SHISA9: variants seen among roughly 807,000 people sequenced by gnomAD.
The protein encoded by SHISA9 is protein shisa-9.
Under a neutral mutation model 38.0 loss-of-function variants are expected in SHISA9, and 13 were observed. The observed-to-expected ratio is 0.34, with a 90% CI of 0.22 to 0.54. The LOEUF is 0.54. Ranked by LOEUF, SHISA9 falls within the 20% of genes least tolerant of loss-of-function variation. SHISA9 has a pLI of 0.91. For missense variants in SHISA9, 538 were observed against 575.8 expected, an observed-to-expected ratio of 0.93 and a Z score of 0.67; for synonymous variants, 275 against 242.0, an observed-to-expected ratio of 1.14 and a Z score of -1.27.
chr16:13,392,564 C>G, the SHISA9 span, among the ~76,000 whole-genome samples: 2 of 152,138 alleles, frequency 1.3e-5, no homozygotes, highest in Non-Finnish European at 2.9e-5. Flanking sequence ...CATTACAGAT[C>G]ACTTAGAGGT....
At chr16:13,111,696 A>AC (rs1425566964) in intron 2 of SHISA9, among the ~76,000 whole-genome samples, 1 of 152,186 alleles carries the variant, frequency 6.6e-6, no homozygotes, top group African/African-American at 2.4e-5. Flanking sequence ...TTCAAATCTT[A>AC]CCCTATTCCA....
chr16:12,930,781 G>T (rs545573031), intron 2 of SHISA9, among the ~76,000 whole-genome samples: 1 of 152,040 alleles, frequency 6.6e-6, no homozygotes, highest in Non-Finnish European at 1.5e-5. Context: ...TAACAGTTAT[G>T]TTTCACATTT....
the SHISA9 span, among the ~76,000 whole-genome samples, chr16:13,560,948 C>T: frequency 6.6e-6 from 1 of 152,120 alleles, no homozygotes; most frequent in Non-Finnish European, 1.5e-5. Context: ...ACTGCAACCT[C>T]CACCTCCAGG....
chr16:13,355,832 C>T, the SHISA9 span, among the ~76,000 whole-genome samples: 1 of 152,190 alleles, frequency 6.6e-6, no homozygotes, highest in African/African-American at 2.4e-5. Context: ...TGTCAGTCTT[C>T]AGCCGCTAAG....
intron 2 of SHISA9, among the ~76,000 whole-genome samples, chr16:13,046,908 T>G (rs2073194621): frequency 6.6e-6 from 1 of 152,166 alleles, no homozygotes; most frequent in African/African-American, 2.4e-5. Flanking sequence ...TATGTCCTCC[T>G]GGAACCTGCA....
chr16:13,157,933 C>A (rs1308886964), intron 2 of SHISA9, among the ~76,000 whole-genome samples: 1 of 152,220 alleles, frequency 6.6e-6, no homozygotes, highest in African/African-American at 2.4e-5. Flanking sequence ...CACTCTCCTG[C>A]TTTGACTCAT....
chr16:13,480,938 C>G, the SHISA9 span, among the ~76,000 whole-genome samples: 2 of 152,176 alleles, frequency 1.3e-5, no homozygotes, highest in African/African-American at 4.8e-5. Flanking sequence ...TCAGTTTTGT[C>G]AAGCTAATTT....
At chr16:13,274,591 G>C in the SHISA9 span, among the ~76,000 whole-genome samples, 1 of 152,122 alleles carries the variant, frequency 6.6e-6, no homozygotes, top group Non-Finnish European at 1.5e-5. Flanking sequence ...CCATGGTAGA[G>C]ATAATGTGAG....
chr16:13,303,843 C>T, the SHISA9 span, among the ~76,000 whole-genome samples: 1 of 152,162 alleles, frequency 6.6e-6, no homozygotes, highest in Non-Finnish European at 1.5e-5. Context: ...GAACCCCAAA[C>T]ACACCCTGTG....
chr16:12,901,856 C>T lies in SHISA9; in HGVS notation c.-209C>T, dbSNP rs978135684. On this transcript the variant is annotated 5_prime_UTR_variant, in exon 1 of 5. Transcript: ENST00000558583. ...GGCCGGCCCCTCGGCGCGCGGCGCG[C>T]TGGAGGCGAACGCGGGCTGAGGCGA... is the stretch of plus-strand genomic sequence containing the variant. 13 of 163,210 alleles carry T rather than the reference C, an allele frequency of 8.0e-5. No homozygotes were observed. The highest frequency in any genetic ancestry group is 1.7e-4 in the Non-Finnish European group (13 of 78,218). 10.1% of individuals were successfully genotyped at this position (163,210 alleles called of 1,614,324 possible). A position where few individuals can be genotyped will look rare whatever the true frequency, so the allele number is the denominator to read the frequency against.
intron 2 of SHISA9, among the ~76,000 whole-genome samples, chr16:13,080,676 G>C (rs1013114696): frequency 2.5e-4 from 38 of 152,212 alleles, no homozygotes; most frequent in African/African-American, 8.7e-4. Flanking sequence ...AGAATTCCTA[G>C]TGAATAATGC....
the SHISA9 span, among the ~76,000 whole-genome samples, chr16:13,556,399 G>C: frequency 1.3e-5 from 2 of 152,042 alleles, no homozygotes; most frequent in Non-Finnish European, 2.9e-5. Context: ...TCACTTAATT[G>C]ATTAATAAAC....
the SHISA9 span, among the ~76,000 whole-genome samples, chr16:13,248,630 C>A: frequency 6.6e-6 from 1 of 152,110 alleles, no homozygotes; most frequent in Non-Finnish European, 1.5e-5. Context: ...ATATGTAAAC[C>A]ACTTACTCAT....
intron 2 of SHISA9, among the ~76,000 whole-genome samples, chr16:12,995,560 CT>C: frequency 6.6e-6 from 1 of 152,254 alleles, no homozygotes; most frequent in Non-Finnish European, 1.5e-5. Flanking sequence ...ATGAGGGTGT[CT>C]TTTGAATGTT....
the SHISA9 span, among the ~76,000 whole-genome samples, chr16:13,359,113 C>G: frequency 3.3e-5 from 5 of 152,076 alleles, no homozygotes; most frequent in Non-Finnish European, 7.4e-5. Flanking sequence ...TTTAGATTCT[C>G]CAGAAGAATG....
the SHISA9 span, among the ~76,000 whole-genome samples, chr16:13,271,057 T>C: frequency 6.6e-6 from 1 of 152,184 alleles, no homozygotes; most frequent in African/African-American, 2.4e-5. Flanking sequence ...CCTCAGACCC[T>C]GAGAAGGGAT....
intron 2 of SHISA9, among the ~76,000 whole-genome samples, chr16:13,039,097 C>G (rs940030146): frequency 6.6e-6 from 1 of 152,050 alleles, no homozygotes. Flanking sequence ...GTAATAGAGA[C>G]GGGGTTTCAC....
the SHISA9 span, among the ~76,000 whole-genome samples, chr16:13,343,015 T>C: frequency 6.6e-6 from 1 of 152,184 alleles, no homozygotes; most frequent in African/African-American, 2.4e-5. Context: ...AGATTAAGAG[T>C]TAATATATGC....
At chr16:13,182,005 G>A (rs1268229796) in intron 2 of SHISA9, among the ~76,000 whole-genome samples, 1 of 152,204 alleles carries the variant, frequency 6.6e-6, no homozygotes, top group African/African-American at 2.4e-5. Context: ...AGGGACTGAC[G>A]TGGGGAGGCA....
Sources: allele counts gnomAD v4.1 joint callset (sites outside exome capture counted in the v4.1 genomes callset), GRCh38; gene constraint gnomAD v4.1.1; transcripts MANE v1.5; gene names NCBI Gene and HGNC (gene_info 2026-07-23, HGNC 2026-07-21).